The following ASIC2 variants were observed in gnomAD, a reference collection of about 807,000 sequenced individuals.
ASIC2 encodes the protein acid-sensing ion channel 2.
A neutral mutation model predicts 57.3 loss-of-function variants in ASIC2; 25 were observed. The ratio of observed to expected loss-of-function variants is 0.44; its 90% CI spans 0.32 to 0.61. ASIC2 has a LOEUF of 0.61. Among genes scored for constraint, ASIC2 ranks in the 20% least tolerant of loss-of-function variants. ASIC2 has a pLI of 0.06. For synonymous variants in ASIC2, 319 were observed against 307.5 expected (o/e 1.04, Z -0.39); for missense variants, 641 against 738.1 (o/e 0.87, Z 1.52).
intron 1 of ASIC2, among the ~76,000 whole-genome samples, chr17:34,075,475 T>A (rs900545567): frequency 1.3e-5 from 2 of 152,142 alleles, no homozygotes; most frequent in African/African-American, 4.8e-5. Flanking sequence ...CTAAATAATA[T>A]CTGACACCAG....
intron 1 of ASIC2, among the ~76,000 whole-genome samples, chr17:33,842,983 G>C (rs1050605588): frequency 2.0e-5 from 3 of 152,214 alleles, no homozygotes; most frequent in African/African-American, 7.2e-5. Flanking sequence ...GAGCTCCCCA[G>C]CTATGGATTT....
intron 1 of ASIC2, among the ~76,000 whole-genome samples, chr17:33,593,337 AT>A (rs1268192187): frequency 6.6e-6 from 1 of 151,496 alleles, no homozygotes; most frequent in Non-Finnish European, 1.5e-5. Flanking sequence ...TGGGCACTTG[AT>A]TGTCTCTCTG....
At chr17:33,303,289 T>C (rs2142196403) in intron 1 of ASIC2, among the ~76,000 whole-genome samples, 1 of 152,322 alleles carries the variant, frequency 6.6e-6, no homozygotes, top group Non-Finnish European at 1.5e-5. Context: ...AGCAGAATTT[T>C]TTGGGGCCTG....
intron 1 of ASIC2, among the ~76,000 whole-genome samples, chr17:33,927,043 C>G (rs889222312): frequency 6.6e-6 from 1 of 152,136 alleles, no homozygotes; most frequent in African/African-American, 2.4e-5. Context: ...ATTCTCATGT[C>G]TCAGCCTCCT....
intron 1 of ASIC2, among the ~76,000 whole-genome samples, chr17:34,092,442 C>A (rs150177169): frequency 6.6e-4 from 100 of 152,248 alleles, no homozygotes; most frequent in African/African-American, 2.2e-3. Context: ...TAAGTCCCAC[C>A]CTTGTCCCTC....
intron 1 of ASIC2, among the ~76,000 whole-genome samples, chr17:34,078,261 G>C (rs1233882325): frequency 2.0e-5 from 3 of 152,172 alleles, no homozygotes; most frequent in Non-Finnish European, 4.4e-5. Context: ...GGTAGGCTCT[G>C]ATTCATCCTT....
intron 1 of ASIC2, among the ~76,000 whole-genome samples, chr17:33,340,123 A>C (rs537473302): frequency 6.6e-6 from 1 of 152,222 alleles, no homozygotes; most frequent in Non-Finnish European, 1.5e-5. Flanking sequence ...AAATGTGGAA[A>C]TGTCAGCAGC....
chr17:34,155,764 C>A, intron 1 of ASIC2: 2 of 564,440 alleles, frequency 3.5e-6, no homozygotes, highest in South Asian at 4.7e-5. Flanking sequence ...ACTCACCCTC[C>A]ATATTTGATC....
intron 1 of ASIC2, among the ~76,000 whole-genome samples, chr17:33,944,774 G>A (rs1407786623): frequency 6.6e-6 from 1 of 152,204 alleles, no homozygotes; most frequent in Non-Finnish European, 1.5e-5. Context: ...CAGACTCAAG[G>A]CTGCAGGGGT....
At chr17:33,348,587 G>A (rs991500203) in intron 1 of ASIC2, among the ~76,000 whole-genome samples, 1 of 152,128 alleles carries the variant, frequency 6.6e-6, no homozygotes, top group Non-Finnish European at 1.5e-5. Flanking sequence ...CAACACCAGG[G>A]TGAGAGGGTT....
In ASIC2 at chr17:33,293,120, G is replaced by T; in HGVS notation, c.-1005C>A. On this transcript the variant is annotated 5_prime_UTR_variant, in exon 1 of 10. Transcript: ENST00000225823. ...GTGACCCGGACTCGCTGCTCCGCGC[G>T]CCCTTCTCCTCTCGAGACTCCGAGC... The T allele has an allele frequency of 3.5e-6, 3 of 845,360 alleles. No homozygotes were observed. Among genetic ancestry groups the T allele is most frequent in the South Asian group, 5.4e-5 (1 of 18,492 alleles). 52.4% of individuals were successfully genotyped at this position (845,360 alleles called of 1,614,324 possible).
intron 1 of ASIC2, among the ~76,000 whole-genome samples, chr17:33,230,217 G>C (rs1469589062): frequency 6.6e-6 from 1 of 152,232 alleles, no homozygotes; most frequent in Non-Finnish European, 1.5e-5. Flanking sequence ...AAAGCTGGCA[G>C]CTGGCCACTC....
At chr17:33,810,714 C>G (rs1386889840) in intron 1 of ASIC2, among the ~76,000 whole-genome samples, 1 of 152,072 alleles carries the variant, frequency 6.6e-6, no homozygotes, top group African/African-American at 2.4e-5. Context: ...CTTTTCATGT[C>G]AGGAGATGCC....
intron 1 of ASIC2, among the ~76,000 whole-genome samples, chr17:33,513,973 C>T (rs111846602): frequency 8.0e-4 from 122 of 152,324 alleles, no homozygotes; most frequent in African/African-American, 2.7e-3. Context: ...CTCACATAAT[C>T]GGATCAATGA....
At chr17:33,488,002 G>C (rs60136538) in intron 1 of ASIC2, among the ~76,000 whole-genome samples, 3,662 of 152,188 alleles carry the variant, frequency 0.024, 149 homozygotes, top group African/African-American at 0.083. Flanking sequence ...CCTATTACGG[G>C]ACTTTACCTT....
chr17:33,377,887 A>G (rs1292137844), intron 1 of ASIC2, among the ~76,000 whole-genome samples: 1 of 152,250 alleles, frequency 6.6e-6, no homozygotes, highest in African/African-American at 2.4e-5. Flanking sequence ...TCCAGAGATC[A>G]CTGCATGCTA....
chr17:33,228,765 G>A lies in ASIC2; in HGVS notation c.708+62643C>T, dbSNP rs116324554. ...ACATGCACTTCCACTATCCTTCCCT[G>A]TACTGGAGCCAAGGCCTGTTGGATC... On this transcript the variant is annotated intron_variant, in intron 1 of 9. Transcript: ENST00000225823. Among the ~76,000 whole-genome samples the A allele has an allele frequency of 3.2e-3, 492 of 152,314 alleles. 2 individuals are homozygous for A. The highest frequency in any genetic ancestry group is 0.01 in the African/African-American group (426 of 41,576).
At chr17:33,295,172 T>C (rs181236899), upstream of ASIC2, among the ~76,000 whole-genome samples, 11 of 148,800 alleles carry the variant, frequency 7.4e-5, no homozygotes, top group East Asian at 2.2e-3. Flanking sequence ...ATTTCCCCCT[T>C]GAAATGTACA....
intron 1 of ASIC2, among the ~76,000 whole-genome samples, chr17:33,235,693 C>A (rs1908269906): frequency 6.6e-6 from 1 of 152,106 alleles, no homozygotes; most frequent in Non-Finnish European, 1.5e-5. Flanking sequence ...CAGCCTTGGC[C>A]TCCATGGAGG....
Sources: gnomAD v4.1 joint callset for allele counts (sites outside exome capture counted in the v4.1 genomes callset) on GRCh38, gnomAD v4.1.1 for gene constraint, MANE v1.5 for transcripts, NCBI Gene and HGNC (gene_info 2026-07-23, HGNC 2026-07-21) for gene names.